Variants in RELCH observed in about 807,000 individuals in gnomAD.
RELCH encodes RAB11 binding and LisH domain, coiled-coil and HEAT repeat containing.
Under a neutral mutation model 150.3 loss-of-function variants are expected in RELCH, and 41 were observed. The ratio of observed to expected loss-of-function variants is 0.27; its 90% CI spans 0.21 to 0.35. The LOEUF (loss-of-function observed/expected upper bound fraction) is 0.35. RELCH is among the 10% of genes least tolerant of loss of function. The pLI, the probability that RELCH is intolerant of heterozygous loss-of-function variation, is 1.00. For synonymous variants in RELCH, 478 were observed against 531.8 expected (o/e 0.90, Z 1.39); for missense variants, 1,092 against 1,467.8 (o/e 0.74, Z 4.18).
At position 62,298,862 on chromosome 18, in the gene RELCH, TA is replaced by T; in HGVS notation, c.3530+4del. The T allele has an allele frequency of 6.6e-7, 1 of 1,526,170 alleles. No individual in the cohort carries two copies. Among genetic ancestry groups the T allele is most frequent in the Non-Finnish European group, 9.0e-7 (1 of 1,114,262 alleles). The allele number at this position is 1,526,170 out of a possible 1,614,324, so 94.5% of individuals were successfully genotyped here. On this transcript the variant is annotated splice_donor_region_variant and intron_variant, in intron 28 of 28. Coordinates refer to ENST00000644646, the MANE Select transcript of RELCH (RefSeq NM_001346231.2). ...CAAGACCGTCCAAGAGCCTCAAGGG[TA>T]AGACATTAATTCTTTTTTTAAGGCT...
At chr18:62,241,114 C>T (rs2042128277) in intron 10 of RELCH, among the ~76,000 whole-genome samples, 1 of 152,162 alleles carries the variant, frequency 6.6e-6, no homozygotes, top group Admixed American at 6.6e-5. Context: ...ACAAAGCCCT[C>T]TTCAGCACAC....
At chr18:62,240,408 C>CTTTTTTTTTTTTTTTTTT (rs199932427) in intron 10 of RELCH, among the ~76,000 whole-genome samples, 2 of 139,566 alleles carry the variant, frequency 1.4e-5, no homozygotes, top group African/African-American at 2.6e-5. Context: ...TTTTTTTTTT[C>CTTTTTTTTTTTTTTTTTT]TTTTTCTTTT....
intron 11 of RELCH, among the ~76,000 whole-genome samples, chr18:62,248,127 T>G (rs894365402): frequency 8.5e-5 from 13 of 152,236 alleles, no homozygotes; most frequent in African/African-American, 3.1e-4. Flanking sequence ...CATTAATTAC[T>G]GCTTCACTCA....
intron 2 of RELCH, among the ~76,000 whole-genome samples, chr18:62,220,643 C>G (rs1599885900): frequency 2.0e-5 from 3 of 151,460 alleles, no homozygotes; most frequent in African/African-American, 2.4e-5. Flanking sequence ...TAATTTTTAC[C>G]TTATCCCCTG....
At chr18:62,271,578 G>A (rs558609961) in intron 20 of RELCH, among the ~76,000 whole-genome samples, 1 of 152,250 alleles carries the variant, frequency 6.6e-6, no homozygotes, top group Non-Finnish European at 1.5e-5. Flanking sequence ...CTGTGCAGAA[G>A]CTTTTTAGTT....
At chr18:62,244,526 G>A (rs2042306434) in intron 10 of RELCH, among the ~76,000 whole-genome samples, 1 of 152,086 alleles carries the variant, frequency 6.6e-6, no homozygotes, top group Admixed American at 6.5e-5. Context: ...AAAAACCAAG[G>A]CTAGTTGAAT....
intron 19 of RELCH, among the ~76,000 whole-genome samples, chr18:62,268,363 C>G (rs930343036): frequency 3.3e-5 from 5 of 152,076 alleles, no homozygotes; most frequent in East Asian, 1.9e-4. Flanking sequence ...CCTTCCCCCT[C>G]CATGAAAATA....
At position 62,221,506 on chromosome 18, in the gene RELCH, A is replaced by G. The variant is rs751194104; in HGVS notation, c.858+9A>G. ...ATGAAAACGATGATCAGGTAAAGTT[A>G]CTTTTTGTTTTTACAGTGATTTTTT... On this transcript the variant is annotated intron_variant, in intron 5 of 28. Coordinates refer to ENST00000644646, the MANE Select transcript of RELCH (RefSeq NM_001346231.2). 2 of 1,333,514 alleles carry G rather than the reference A, an allele frequency of 1.5e-6. No individual in the cohort carries two copies. The highest frequency in any genetic ancestry group is 2.1e-6 in the Non-Finnish European group (2 of 969,232). 82.6% of individuals were successfully genotyped at this position (1,333,514 alleles called of 1,614,324 possible).
At chr18:62,202,457 G>C (rs1004093949) in intron 1 of RELCH, among the ~76,000 whole-genome samples, 3 of 152,122 alleles carry the variant, frequency 2.0e-5, no homozygotes, top group African/African-American at 7.2e-5. Context: ...AGATTTTAAT[G>C]AATTGAGAGA....
chr18:62,188,494 G>A (rs1470458476), intron 1 of RELCH, among the ~76,000 whole-genome samples: 1 of 152,230 alleles, frequency 6.6e-6, no homozygotes, highest in East Asian at 1.9e-4. Context: ...AAAGTCAGAT[G>A]TACTTAAGAC....
intron 25 of RELCH, among the ~76,000 whole-genome samples, chr18:62,286,647 T>G (rs1157073654): frequency 1.3e-5 from 2 of 152,166 alleles, no homozygotes; most frequent in East Asian, 1.9e-4. Context: ...TCACTGACCC[T>G]GAAGCCATTT....
chr18:62,280,658 T>A lies in RELCH; in HGVS notation c.3063T>A (p.Ile1021=), dbSNP rs778914904. 6.2e-7 allele frequency: 1 copy of A among 1,611,524 alleles called. No homozygotes were observed. Among genetic ancestry groups the A allele is most frequent in the Admixed American group, 1.7e-5 (1 of 59,996 alleles). Residue 1021 remains isoleucine (I), a synonymous_variant, in exon 24 of 29, where the codon ATT becomes ATA. Coordinates refer to ENST00000644646, the MANE Select transcript of RELCH (RefSeq NM_001346231.2). ...TTAATTCTAACAGCTCTGTCAGGAT[T>A]GCCACAATTCCAGCCTTTGGCACTA... ...LSSDPEISVR[I]ATIPAFGTIM... is the part of the protein sequence containing the mutation.
chr18:62,247,608 A>G (rs112113718), intron 11 of RELCH, among the ~76,000 whole-genome samples: 10,079 of 151,776 alleles, frequency 0.066, 402 homozygotes, highest in Middle Eastern at 0.15. Context: ...CAGAGGCACA[A>G]TCATGGCTCA....
chr18:62,255,745 T>C (rs2042965479), intron 13 of RELCH, among the ~76,000 whole-genome samples: 1 of 152,054 alleles, frequency 6.6e-6, no homozygotes, highest in African/African-American at 2.4e-5. Context: ...GGGGTTTCCT[T>C]GAGATCCTTC....
chr18:62,248,009 A>C (rs1331880679), intron 11 of RELCH, among the ~76,000 whole-genome samples: 1 of 152,166 alleles, frequency 6.6e-6, no homozygotes, highest in East Asian at 1.9e-4. Flanking sequence ...TGTTCCTGCA[A>C]TATCAGGCCC....
intron 1 of RELCH, among the ~76,000 whole-genome samples, chr18:62,191,998 T>A (rs1020041866): frequency 6.6e-6 from 1 of 152,208 alleles, no homozygotes. Flanking sequence ...TTTAACTAAT[T>A]TACAGTCCCA....
chr18:62,187,537 G>T lies in RELCH; in HGVS notation c.32G>T (p.Ser11Ile). The T allele has an allele frequency of 6.6e-7, 1 of 1,515,280 alleles. No homozygotes were observed. Among genetic ancestry groups the T allele is most frequent in the Non-Finnish European group, 8.8e-7 (1 of 1,131,584 alleles). The allele number at this position is 1,515,280 out of a possible 1,614,324, so 93.9% of individuals were successfully genotyped here. The change falls in exon 1 of 29, where the codon AGT becomes ATT. Residue 11 changes from serine (S) to isoleucine (I), a missense_variant. Coordinates refer to ENST00000644646, the MANE Select transcript of RELCH (RefSeq NM_001346231.2). MAAMAPGGSG[S>I]GGGVNPFLSD... Reference sequence around the variant, plus strand: ...GCGATGGCGCCTGGAGGTAGTGGCAGTGGTGGCGGCGTGAATCCATTTCTC... The same window carrying T: ...GCGATGGCGCCTGGAGGTAGTGGCATTGGTGGCGGCGTGAATCCATTTCTC...
chr18:62,227,196 A>C (rs1325498453), intron 5 of RELCH, 93 bp from the exon 6 acceptor site: 2 of 100,020 alleles, frequency 2.0e-5, no homozygotes, highest in African/African-American at 3.8e-5. Context: ...AACCGATCTT[A>C]AAAAAAAAAA....
intron 5 of RELCH, among the ~76,000 whole-genome samples, chr18:62,223,665 A>G (rs900655856): frequency 6.6e-6 from 1 of 152,140 alleles, no homozygotes; most frequent in African/African-American, 2.4e-5. Context: ...TAATATAGAT[A>G]TAGAAATTAT....
Sources: allele counts gnomAD v4.1 joint callset (sites outside exome capture counted in the v4.1 genomes callset), GRCh38; gene constraint gnomAD v4.1.1; transcripts MANE v1.5; gene names NCBI Gene and HGNC (gene_info 2026-07-23, HGNC 2026-07-21).